The following TRAPPC3 variants were observed in gnomAD, a reference collection of about 807,000 sequenced individuals.
The protein encoded by TRAPPC3 is trafficking protein particle complex 3.
A neutral mutation model predicts 18.2 loss-of-function variants in TRAPPC3; 5 were observed. The observed-to-expected ratio is 0.28, with a 90% CI of 0.14 to 0.58. The LOEUF (loss-of-function observed/expected upper bound fraction) is 0.58, where lower values mean the gene tolerates loss of function less well. Ranked by LOEUF, TRAPPC3 falls within the 20% of genes least tolerant of loss-of-function variation. The pLI is 0.91. For missense variants in TRAPPC3, 176 were observed against 225.9 expected (o/e 0.78, Z 1.41); for synonymous variants, 65 against 84.2 (o/e 0.77, Z 1.25).
chr1:36,151,604 C>T (rs1644272298), upstream of TRAPPC3, among the ~76,000 whole-genome samples: 1 of 152,026 alleles, frequency 6.6e-6, no homozygotes, highest in Non-Finnish European at 1.5e-5. Flanking sequence ...GAACTGAAAC[C>T]TTGTCTCAAA....
chr1:36,137,967 C>G lies in TRAPPC3; in HGVS notation c.252G>C (p.Lys84Asn), dbSNP rs760914979. The change falls in exon 4 of 5, where the codon AAG becomes AAC. Residue 84 changes from lysine to asparagine, a missense_variant. By Grantham distance (94) the Lys-to-Asn change is moderately conservative (BLOSUM62 0). Around this residue, in one of 2 missense-constraint regions of TRAPPC3, gnomAD observed 147 missense variants for 164.3 expected, o/e 0.89. Coordinates refer to ENST00000373166, the MANE Select transcript of TRAPPC3 (RefSeq NM_014408.5). ...TGCTTGGAGTGATGCCCAAGTACATCTTGAACGCCACCTGTCAGGGGACAC... is the reference window on the plus strand; with the variant it reads ...TGCTTGGAGTGATGCCCAAGTACATGTTGAACGCCACCTGTCAGGGGACAC... Reference protein sequence around the residue: ...TADVIAKVAFKMYLGITPSIT... With the variant: ...TADVIAKVAFNMYLGITPSIT... 6.2e-7 allele frequency: 1 copy of G among 1,613,930 alleles called. No homozygotes were observed. The highest frequency in any genetic ancestry group is 8.5e-7 in the Non-Finnish European group (1 of 1,179,872).
At chr1:36,138,960 C>CG (rs1321277219) in intron 3 of TRAPPC3, among the ~76,000 whole-genome samples, 3 of 145,092 alleles carry the variant, frequency 2.1e-5, no homozygotes, top group Non-Finnish European at 4.5e-5. Flanking sequence ...CATTTGAACC[C>CG]GGGGGGCGGA....
At chr1:36,145,805 G>A (rs538476001) in intron 1 of TRAPPC3, among the ~76,000 whole-genome samples, 117 of 152,216 alleles carry the variant, frequency 7.7e-4, no homozygotes, top group Middle Eastern at 3.4e-3. Flanking sequence ...ACAGAGTCTC[G>A]CACTGTCGCC....
rs754392398 is a variant in TRAPPC3, at chr1:36,137,338, A to T, written c.424-16T>A. ...CCATCTGGACCTGGGGGACAGTGGG[A>T]AAACGAAGGGGTAGCTGCCTGGCCA... On this transcript the variant is annotated splice_polypyrimidine_tract_variant and intron_variant, in intron 4 of 4. Coordinates refer to ENST00000373166, the MANE Select transcript of TRAPPC3 (RefSeq NM_014408.5). 1 of 1,604,676 alleles carries T rather than the reference A, an allele frequency of 6.2e-7. No homozygotes were observed. The highest frequency in any genetic ancestry group is 8.5e-7 in the Non-Finnish European group (1 of 1,172,244).
At chr1:36,139,031 C>A in intron 3 of TRAPPC3, among the ~76,000 whole-genome samples, 2 of 138,746 alleles carry the variant, frequency 1.4e-5, no homozygotes, top group African/African-American at 5.4e-5. Flanking sequence ...AGTGAGACTC[C>A]ATCTCAAAAA....
Position 36,149,408 on chromosome 1 carries a change from G to C in TRAPPC3, c.-30C>G. 3 of 1,611,676 alleles carry C rather than the reference G, an allele frequency of 1.9e-6. No homozygotes were observed. Among genetic ancestry groups the C allele is most frequent in the Non-Finnish European group, 2.5e-6 (3 of 1,179,546 alleles). On this transcript the variant is annotated 5_prime_UTR_variant, in exon 1 of 5. Transcript: ENST00000373166. ...CCGGCCGCCCCGCCCCACTCGCCTA[G>C]CCACGGGTTAGCTCGGCGACCCCTG...
chr1:36,151,475 T>C (rs1644271304), upstream of TRAPPC3, among the ~76,000 whole-genome samples: 4 of 152,102 alleles, frequency 2.6e-5, no homozygotes, highest in Admixed American at 1.3e-4. Flanking sequence ...CTGAGCATTG[T>C]GGTGTGCACC....
intron 1 of TRAPPC3, among the ~76,000 whole-genome samples, chr1:36,155,194 TCC>T (rs1249978787): frequency 6.6e-6 from 1 of 151,848 alleles, no homozygotes; most frequent in African/African-American, 2.4e-5. Context: ...CCCCTCCTCC[TCC>T]CCCGCAACCC....
chr1:36,137,053 G>C lies in TRAPPC3; in HGVS notation c.*150C>G. Reference sequence around the variant, plus strand: ...GGGTAAATGGACTATATCGCAGTCTGCTCTTTATTTGAATGGAGAATGGAA... The same window carrying C: ...GGGTAAATGGACTATATCGCAGTCTCCTCTTTATTTGAATGGAGAATGGAA... On this transcript the variant is annotated 3_prime_UTR_variant, in exon 5 of 5. Coordinates refer to ENST00000373166, the MANE Select transcript of TRAPPC3 (RefSeq NM_014408.5). 1 of 936,818 alleles carries C rather than the reference G, an allele frequency of 1.1e-6. No individual in the cohort carries two copies. Among genetic ancestry groups the C allele is most frequent in the South Asian group, 1.7e-5 (1 of 57,150 alleles). 58.0% of individuals were successfully genotyped at this position (936,818 alleles called of 1,614,324 possible).
intron 3 of TRAPPC3, among the ~76,000 whole-genome samples, chr1:36,138,611 G>A (rs1341158981): frequency 6.6e-6 from 1 of 152,126 alleles, no homozygotes; most frequent in Non-Finnish European, 1.5e-5. Flanking sequence ...ACTAGTAATA[G>A]TAAACATTTA....
upstream of TRAPPC3, among the ~76,000 whole-genome samples, chr1:36,152,626 A>G (rs545338032): frequency 6.6e-6 from 1 of 150,488 alleles, no homozygotes; most frequent in East Asian, 2.0e-4. Flanking sequence ...TTTCTTTAGT[A>G]TACTCTTTTT....
chr1:36,141,882 C>T (rs977379381), intron 1 of TRAPPC3, among the ~76,000 whole-genome samples: 10 of 148,094 alleles, frequency 6.8e-5, no homozygotes, highest in African/African-American at 2.2e-4. Flanking sequence ...CGCTAGAACC[C>T]GGGAGGAGGA....
At chr1:36,153,826 A>C (rs780304403), upstream of TRAPPC3, among the ~76,000 whole-genome samples, 3 of 152,136 alleles carry the variant, frequency 2.0e-5, no homozygotes, top group African/African-American at 7.2e-5. Context: ...AAGACAATAG[A>C]TTTCCAGTTC....
rs148971240 is a variant in TRAPPC3 at position 36,141,311 on chromosome 1, C to A, written c.43-1145G>T. On this transcript the variant is annotated intron_variant, in intron 1 of 4. Transcript: ENST00000373166. ...GAAACATATTAACAGCACATCTGGA[C>A]CAATGAATTAACTCAGAAATAAGGC... 5.6e-4 allele frequency among the ~76,000 whole-genome samples: 86 copies of A among 152,264 alleles called. No individual in the cohort carries two copies. In the East Asian group the frequency reaches 9.3e-3, roughly 16 times the overall value.
At chr1:36,142,058 C>T (rs925994600) in intron 1 of TRAPPC3, among the ~76,000 whole-genome samples, 2 of 151,418 alleles carry the variant, frequency 1.3e-5, no homozygotes, top group African/African-American at 2.4e-5. Flanking sequence ...GGTTTCCAAG[C>T]CAATGGTCAA....
upstream of TRAPPC3, among the ~76,000 whole-genome samples, chr1:36,151,078 C>A (rs1644267412): frequency 6.6e-6 from 1 of 152,198 alleles, no homozygotes; most frequent in Non-Finnish European, 1.5e-5. Flanking sequence ...CCAACAGCCT[C>A]CGAGATTTTG....
At chr1:36,149,207 G>A (rs1644245513) in intron 1 of TRAPPC3, 130 bp downstream of exon 1, 2 of 1,525,008 alleles carry the variant, frequency 1.3e-6, no homozygotes, top group East Asian at 4.9e-5. Context: ...GAGTGACCCA[G>A]CAAGAGGCTT....
At chr1:36,149,283 TC>T in intron 1 of TRAPPC3, 53 bp downstream of exon 1, 1 of 1,611,356 alleles carries the variant, frequency 6.2e-7, no homozygotes, top group Non-Finnish European at 8.5e-7. Context: ...CCGGGCCCCT[TC>T]CCTGTACGCC....
upstream of TRAPPC3, among the ~76,000 whole-genome samples, chr1:36,151,120 G>T (rs763517571): frequency 1.3e-5 from 2 of 152,124 alleles, no homozygotes; most frequent in Non-Finnish European, 2.9e-5. Context: ...TCCTCTTGGC[G>T]TCTCTTTCTC....
Sources: gnomAD v4.1 joint callset for allele counts (sites outside exome capture counted in the v4.1 genomes callset) on GRCh38, gnomAD v4.1.1 for gene constraint, gnomAD v4.1.1 regional missense constraint, MANE v1.5 for transcripts, NCBI Gene and HGNC (gene_info 2026-07-23, HGNC 2026-07-21) for gene names.